The following COL4A5 variants were observed in gnomAD, a reference collection of about 807,000 sequenced individuals.
COL4A5 encodes the protein collagen alpha-5(IV) chain.
Under a neutral mutation model 130.2 loss-of-function variants are expected in COL4A5, and 26 were observed. The observed-to-expected ratio is 0.20, with a 90% CI of 0.15 to 0.28. COL4A5 has a LOEUF of 0.28. Ranked by LOEUF, COL4A5 falls within the 10% of genes least tolerant of loss-of-function variation. COL4A5 has a pLI of 1.00. For synonymous variants in COL4A5, 496 were observed against 439.6 expected (o/e 1.13, Z -1.60); for missense variants, 1,131 against 1,344.3 (o/e 0.84, Z 2.48).
At chrX:108,667,677 A>G (rs1055100115) in intron 40 of COL4A5, among the ~76,000 whole-genome samples, 1 of 110,013 alleles carries the variant, frequency 9.1e-6, no homozygotes, top group Non-Finnish European at 1.9e-5. Flanking sequence ...ATGTATGTTT[A>G]TGTTCTGAAA....
At chrX:108,451,508 T>G (rs775311158) in intron 1 of COL4A5, among the ~76,000 whole-genome samples, 22 of 112,055 alleles carry the variant, frequency 2.0e-4, no homozygotes, top group African/African-American at 6.5e-4. Flanking sequence ...CAGCACCTGC[T>G]GTTTTCTGAC....
chrX:108,541,745 AT>A (rs2065543370), intron 2 of COL4A5, among the ~76,000 whole-genome samples: 1 of 112,572 alleles, frequency 8.9e-6, no homozygotes, highest in Admixed American at 9.4e-5. Context: ...GAAGTCTGCA[AT>A]AACTGAGCAT....
Position 108,643,939 on chromosome X carries a change from T to C in COL4A5, c.3247-11392T>C, listed in dbSNP as rs762129063. Among the ~76,000 whole-genome samples the C allele has an allele frequency of 7.1e-5, 8 of 111,890 alleles. No homozygotes were observed. In the South Asian group the frequency reaches 2.6e-3, roughly 36 times the overall value. ...GCCTAAATGCTCCACTTAAAAGATATAGAACTACAGAATGGATAAGAACTC... is the reference window on the plus strand; with the variant it reads ...GCCTAAATGCTCCACTTAAAAGATACAGAACTACAGAATGGATAAGAACTC... On this transcript the variant is annotated intron_variant, in intron 36 of 52. Transcript: ENST00000328300.
At chrX:108,670,688 A>G (rs1280240356) in intron 42 of COL4A5, 2 of 328,146 alleles carry the variant, frequency 6.1e-6, no homozygotes, top group African/African-American at 2.7e-5. Flanking sequence ...CAGGTTTTCA[A>G]ACTATCCCAC....
At chrX:108,647,733 C>T (rs2067630229) in intron 36 of COL4A5, among the ~76,000 whole-genome samples, 1 of 111,465 alleles carries the variant, frequency 9.0e-6, no homozygotes, top group Non-Finnish European at 1.9e-5. Context: ...ATAGATAGCT[C>T]TTATTATTTT....
intron 36 of COL4A5, among the ~76,000 whole-genome samples, chrX:108,647,867 A>G (rs1321110142): frequency 9.0e-6 from 1 of 111,642 alleles, no homozygotes; most frequent in African/African-American, 3.3e-5. Flanking sequence ...GGTTCTGTTT[A>G]TATGCTGGAT....
intron 24 of COL4A5, among the ~76,000 whole-genome samples, chrX:108,598,445 C>T (rs998792021): frequency 9.0e-6 from 1 of 111,687 alleles, no homozygotes; most frequent in Non-Finnish European, 1.9e-5. Flanking sequence ...ATGTAAGCTG[C>T]ATAAAGTCAG....
chrX:108,688,625 C>T (rs754941769), intron 49 of COL4A5, among the ~76,000 whole-genome samples: 2 of 110,996 alleles, frequency 1.8e-5, no homozygotes, highest in Non-Finnish European at 3.8e-5. Flanking sequence ...TTAGTAGAGA[C>T]GGGGTTTCAC....
intron 1 of COL4A5, among the ~76,000 whole-genome samples, chrX:108,460,362 C>G (rs1440806431): frequency 9.0e-6 from 1 of 111,465 alleles, no homozygotes; most frequent in Non-Finnish European, 1.9e-5. Context: ...ATTAATCACC[C>G]TAGGCCGTGG....
Position 108,580,711 on chromosome X carries a change from G to C in COL4A5, c.864G>C (p.Lys288Asn), listed in dbSNP as rs1263254683. Residue 288 changes from lysine (K) to asparagine (N), a missense_variant, in exon 15 of 53, where the codon AAG becomes AAC. By Grantham distance (94) the Lys-to-Asn change is moderately conservative. Coordinates refer to ENST00000328300, the MANE Select transcript of COL4A5 (RefSeq NM_033380.3). The stretch of plus-strand genomic sequence containing the variant: ...CCCCAGGTGGTGAGAAAGGTGAGAA[G>C]GGTGAGCAAGGAGAGCCAGGCAAAA... ...PGPPGGEKGE[K>N]GEQGEPGKRG... 66 of 1,208,995 alleles carry C rather than the reference G, an allele frequency of 5.5e-5. No individual in the cohort carries two copies. The highest frequency in any genetic ancestry group is 7.2e-5 in the Non-Finnish European group (64 of 894,540).
intron 36 of COL4A5, among the ~76,000 whole-genome samples, chrX:108,649,784 A>C (rs1432682100): frequency 8.9e-6 from 1 of 112,240 alleles, no homozygotes; most frequent in Non-Finnish European, 1.9e-5. Context: ...CTTAAATCTA[A>C]GACCTGAAAC....
chrX:108,552,691 ATTG>A (rs1269068451), intron 2 of COL4A5, among the ~76,000 whole-genome samples: 15 of 112,192 alleles, frequency 1.3e-4, no homozygotes, highest in Admixed American at 1.2e-3. Context: ...AAGACTCAAT[ATTG>A]TTAAGTTGAC....
intron 10 of COL4A5, 80 bp from the exon 11 acceptor site, chrX:108,577,872 A>G: frequency 2.4e-6 from 2 of 830,044 alleles, no homozygotes; most frequent in South Asian, 5.0e-5. Flanking sequence ...TTCACACCTT[A>G]CTCTTTCTGA....
At chrX:108,492,922 T>C (rs1051142713) in intron 1 of COL4A5, among the ~76,000 whole-genome samples, 3 of 110,932 alleles carry the variant, frequency 2.7e-5, no homozygotes, top group Non-Finnish European at 5.7e-5. Context: ...CTTTCCCAAA[T>C]AGTACCTGGA....
rs1182827685 is a variant in COL4A5 at position 108,697,146 on chromosome X, A to G, written c.*768A>G. On this transcript the variant is annotated 3_prime_UTR_variant, in exon 53 of 53. Transcript: ENST00000328300. ...CCAAATTATAATATCTAATGGAGCA[A>G]TTTGTCTTTTGCTATATTCTCCAAG... 2 of 111,540 alleles carry G rather than the reference A, an allele frequency of 1.8e-5. No individual in the cohort carries two copies. The highest frequency in any genetic ancestry group is 3.8e-5 in the Non-Finnish European group (2 of 53,071). The allele number at this position is 111,540 out of a possible 1,213,427, so 9.2% of individuals were successfully genotyped here.
rs374795300 is a variant in COL4A5 at position 108,668,513 on chromosome X, G to A, written c.3790+9G>A. 10 of 1,148,045 alleles carry A rather than the reference G, an allele frequency of 8.7e-6. No homozygotes were observed. The highest frequency in any genetic ancestry group is 1.2e-5 in the Non-Finnish European group (10 of 863,557). 94.6% of individuals were successfully genotyped at this position (1,148,045 alleles called of 1,213,427 possible). ...TCCTCCTGGGAGACCAGGTATGTCC[G>A]TGAGTGGTAGGAGAATGGTCTATTT... On this transcript the variant is annotated intron_variant, in intron 41 of 52. Coordinates refer to ENST00000328300, the MANE Select transcript of COL4A5 (RefSeq NM_033380.3).
intron 41 of COL4A5, among the ~76,000 whole-genome samples, chrX:108,669,808 T>C (rs1309834153): frequency 8.9e-6 from 1 of 112,252 alleles, no homozygotes; most frequent in African/African-American, 3.2e-5. Flanking sequence ...AAAAATTACA[T>C]TTTTAAAGAA....
intron 36 of COL4A5, among the ~76,000 whole-genome samples, chrX:108,651,387 A>G (rs1242157137): frequency 1.8e-5 from 2 of 112,215 alleles, no homozygotes; most frequent in Non-Finnish European, 3.8e-5. Flanking sequence ...GAAAATCTAC[A>G]AAGTTTCTGC....
At chrX:108,644,026 T>G (rs1447079577) in intron 36 of COL4A5, among the ~76,000 whole-genome samples, 2 of 111,544 alleles carry the variant, frequency 1.8e-5, no homozygotes, top group East Asian at 5.6e-4. Context: ...CACATAAACT[T>G]AAAGGAGTGG....
Sources: allele counts gnomAD v4.1 joint callset (sites outside exome capture counted in the v4.1 genomes callset), GRCh38; gene constraint gnomAD v4.1.1; transcripts MANE v1.5; gene names NCBI Gene and HGNC (gene_info 2026-07-23, HGNC 2026-07-21).